The following POU6F2 variants were observed in gnomAD, a reference collection of about 807,000 sequenced individuals.
POU6F2 encodes POU domain, class 6, transcription factor 2.
A neutral mutation model predicts 71.3 loss-of-function variants in POU6F2; 31 were observed. The ratio of observed to expected loss-of-function variants is 0.43; its 90% CI spans 0.33 to 0.59. POU6F2 has a LOEUF of 0.59. Ranked by LOEUF, POU6F2 falls within the 20% of genes least tolerant of loss-of-function variation. The pLI, the probability that POU6F2 is intolerant of heterozygous loss-of-function variation, is 0.04. For synonymous variants in POU6F2, 347 were observed against 355.7 expected (o/e 0.98, Z 0.27); for missense variants, 783 against 856.8 (o/e 0.91, Z 1.07).
At chr7:38,987,405 C>T (rs901093666) in intron 1 of POU6F2, among the ~76,000 whole-genome samples, 1 of 152,078 alleles carries the variant, frequency 6.6e-6, no homozygotes, top group Non-Finnish European at 1.5e-5. Context: ...TCATGAGCCT[C>T]AATGCTGTTT....
At chr7:39,046,752 C>G (rs1790299488) in intron 1 of POU6F2, among the ~76,000 whole-genome samples, 1 of 151,774 alleles carries the variant, frequency 6.6e-6, no homozygotes, top group African/African-American at 2.4e-5. Flanking sequence ...GAAAATGTCT[C>G]GAGACATTAT....
intron 2 of POU6F2, among the ~76,000 whole-genome samples, chr7:39,153,842 A>G (rs1212783941): frequency 3.3e-5 from 5 of 152,170 alleles, no homozygotes; most frequent in Non-Finnish European, 7.3e-5. Flanking sequence ...AAGGGGACGC[A>G]CTTGGAAAAA....
In POU6F2 at chr7:39,398,246, TAGAG is replaced by T. The variant is rs551116522; in HGVS notation, c.973-8351_973-8348del. On this transcript the variant is annotated intron_variant, in intron 5 of 9. Transcript: ENST00000518318. ...ACAGCAGTGAACCAAAATGCACTTTTAGAGAGCGGGAGAAAGAGGATAAACAAGT... is the reference window on the plus strand; with the variant it reads ...ACAGCAGTGAACCAAAATGCACTTTTAGCGGGAGAAAGAGGATAAACAAGT... Among the ~76,000 whole-genome samples the T allele has an allele frequency of 5.8e-4, 89 of 152,198 alleles. 1 individual carries two copies. The Middle Eastern group carries it at 0.01, about 17-fold the overall frequency.
intron 2 of POU6F2, among the ~76,000 whole-genome samples, chr7:39,115,890 A>G (rs1791918240): frequency 6.6e-6 from 1 of 152,150 alleles, no homozygotes; most frequent in South Asian, 2.1e-4. Flanking sequence ...TGGATTACAG[A>G]AATATTTCTT....
chr7:39,121,260 A>G (rs1792034163), intron 2 of POU6F2, among the ~76,000 whole-genome samples: 1 of 152,246 alleles, frequency 6.6e-6, no homozygotes, highest in African/African-American at 2.4e-5. Flanking sequence ...TTCCTCATCC[A>G]TTAAGTGGGA....
At chr7:39,395,212 A>G (rs1787149615) in intron 5 of POU6F2, among the ~76,000 whole-genome samples, 1 of 152,176 alleles carries the variant, frequency 6.6e-6, no homozygotes, top group South Asian at 2.1e-4. Flanking sequence ...TCCTCCCTCT[A>G]CAAGCACGTG....
intron 4 of POU6F2, among the ~76,000 whole-genome samples, chr7:39,232,640 A>G (rs1382016712): frequency 6.6e-6 from 1 of 152,244 alleles, no homozygotes; most frequent in East Asian, 1.9e-4. Flanking sequence ...GAATGAATAC[A>G]TACTGAATTT....
chr7:39,237,140 C>G (rs1393643497), intron 4 of POU6F2, among the ~76,000 whole-genome samples: 1 of 152,156 alleles, frequency 6.6e-6, no homozygotes, highest in Admixed American at 6.5e-5. Flanking sequence ...CCAACACTTG[C>G]AGAAGCCTGA....
chr7:39,106,924 C>T (rs1230819490), intron 2 of POU6F2, among the ~76,000 whole-genome samples: 2 of 151,922 alleles, frequency 1.3e-5, no homozygotes, highest in Non-Finnish European at 2.9e-5. Context: ...TCTTTGATTA[C>T]TAATTAGGCT....
chr7:39,401,842 T>G (rs945378204), intron 5 of POU6F2, among the ~76,000 whole-genome samples: 2 of 152,118 alleles, frequency 1.3e-5, no homozygotes, highest in African/African-American at 2.4e-5. Flanking sequence ...CTCTATAAAA[T>G]CCACATAGCT....
intron 1 of POU6F2, among the ~76,000 whole-genome samples, chr7:39,040,110 A>T: frequency 1.4e-3 from 1 of 694 alleles, no homozygotes. Context: ...TGTATATATT[A>T]TATACATTTA....
At chr7:39,161,900 G>A (rs1371852030) in intron 2 of POU6F2, among the ~76,000 whole-genome samples, 1 of 152,184 alleles carries the variant, frequency 6.6e-6, no homozygotes, top group African/African-American at 2.4e-5. Context: ...ATCTTACGTG[G>A]TATACTGGCC....
intron 2 of POU6F2, among the ~76,000 whole-genome samples, chr7:39,170,704 T>C (rs1377718043): frequency 6.6e-6 from 1 of 152,040 alleles, no homozygotes; most frequent in African/African-American, 2.4e-5. Flanking sequence ...TAATAATTTA[T>C]TATATATTTC....
intron 2 of POU6F2, among the ~76,000 whole-genome samples, chr7:39,126,320 G>A (rs1484070068): frequency 6.6e-6 from 1 of 152,208 alleles, no homozygotes; most frequent in Non-Finnish European, 1.5e-5. Flanking sequence ...CCACCACTTG[G>A]AGGGCAGGGA....
intron 7 of POU6F2, among the ~76,000 whole-genome samples, chr7:39,451,126 G>A (rs115923160): frequency 0.01 from 1,570 of 152,244 alleles, 21 homozygotes; most frequent in African/African-American, 0.036. Context: ...GTGGGGCACA[G>A]CCACACCTTT....
chr7:39,131,383 G>A (rs1231534168), intron 2 of POU6F2, among the ~76,000 whole-genome samples: 2 of 152,164 alleles, frequency 1.3e-5, no homozygotes, highest in South Asian at 2.1e-4. Flanking sequence ...ACTTCAGGGA[G>A]CCATTTGCAA....
intron 1 of POU6F2, among the ~76,000 whole-genome samples, chr7:39,015,704 T>TAG (rs1562670426): frequency 5.3e-5 from 3 of 56,362 alleles, no homozygotes; most frequent in East Asian, 4.7e-4. Context: ...ATATTATATA[T>TAG]ATCTATGTTA....
At chr7:39,382,437 G>A (rs1419091498) in intron 5 of POU6F2, among the ~76,000 whole-genome samples, 7 of 152,182 alleles carry the variant, frequency 4.6e-5, no homozygotes, top group Non-Finnish European at 1.0e-4. Flanking sequence ...TAGAGGAACC[G>A]AGGCAGGCGA....
intron 4 of POU6F2, among the ~76,000 whole-genome samples, chr7:39,298,947 G>A (rs1784902545): frequency 6.6e-6 from 1 of 152,098 alleles, no homozygotes; most frequent in Non-Finnish European, 1.5e-5. Context: ...GTAAGTGGGA[G>A]TTGAACAATG....
Sources: allele counts gnomAD v4.1 joint callset (sites outside exome capture counted in the v4.1 genomes callset), GRCh38; gene constraint gnomAD v4.1.1; transcripts MANE v1.5; gene names NCBI Gene and HGNC (gene_info 2026-07-23, HGNC 2026-07-21).